The following TSHZ3 variants were observed in gnomAD, a reference collection of about 807,000 sequenced individuals.
TSHZ3 encodes teashirt homolog 3.
A neutral mutation model predicts 64.5 loss-of-function variants in TSHZ3; 10 were observed. The ratio of observed to expected loss-of-function variants is 0.16; its 90% confidence interval spans 0.10 to 0.26. The LOEUF (loss-of-function observed/expected upper bound fraction) is 0.26. Among genes scored for constraint, TSHZ3 ranks in the 10% least tolerant of loss-of-function variants. TSHZ3 has a pLI of 1.00. For synonymous variants in TSHZ3, 608 were observed against 593.1 expected (o/e 1.03, Z -0.36); for missense variants, 1,242 against 1,421.7 (o/e 0.87, Z 2.03).
intron 3 of TSHZ3, among the ~76,000 whole-genome samples, chr19:31,240,861 C>T (rs192884527): frequency 3.5e-4 from 53 of 152,020 alleles, no homozygotes; most frequent in African/African-American, 1.1e-3. Context: ...AATTTCCATT[C>T]GGTTGATTTT....
At chr19:31,246,335 TA>T (rs1391581473) in intron 1 of TSHZ3, among the ~76,000 whole-genome samples, 2 of 152,228 alleles carry the variant, frequency 1.3e-5, no homozygotes, top group African/African-American at 4.8e-5. Flanking sequence ...TACCTGTATT[TA>T]AAATCATTTT....
intron 4 of TSHZ3, chr19:31,207,633 A>C (rs942870268): frequency 2.6e-5 from 4 of 152,226 alleles, no homozygotes; most frequent in Non-Finnish European, 5.9e-5. Flanking sequence ...GAAACTTGTA[A>C]TAAAACCACA....
At chr19:31,172,095 G>A (rs1031462015) in intron 5 of TSHZ3, among the ~76,000 whole-genome samples, 3 of 152,120 alleles carry the variant, frequency 2.0e-5, no homozygotes, top group African/African-American at 7.2e-5. Context: ...TGGTCTGGAG[G>A]TACACTTCAC....
chr19:31,320,736 A>C (rs1916745515), intron 1 of TSHZ3, among the ~76,000 whole-genome samples: 1 of 152,204 alleles, frequency 6.6e-6, no homozygotes, highest in South Asian at 2.1e-4. Context: ...CCCAGGCTGC[A>C]GGGAGGAAGT....
chr19:31,237,637 C>T (rs1433616292), intron 3 of TSHZ3, among the ~76,000 whole-genome samples: 3 of 152,082 alleles, frequency 2.0e-5, no homozygotes, highest in African/African-American at 7.2e-5. Flanking sequence ...ATTCTGTCCT[C>T]TCTTTGCTTT....
chr19:31,315,747 A>C (rs1454639035), intron 1 of TSHZ3, among the ~76,000 whole-genome samples: 3 of 152,236 alleles, frequency 2.0e-5, no homozygotes, highest in Admixed American at 6.5e-5. Context: ...CAAACCATTA[A>C]GTTTGTGCAT....
chr19:31,244,844 A>T (rs1402656509), intron 1 of TSHZ3, among the ~76,000 whole-genome samples: 1 of 152,004 alleles, frequency 6.6e-6, no homozygotes, highest in South Asian at 2.1e-4. Flanking sequence ...GGTTTTCACC[A>T]TTTTGCCCAG....
At chr19:31,295,974 A>G (rs746917055) in intron 1 of TSHZ3, among the ~76,000 whole-genome samples, 2 of 145,802 alleles carry the variant, frequency 1.4e-5, no homozygotes, top group East Asian at 2.0e-4. Flanking sequence ...CACTGTTCCC[A>G]TCTTTATGGC....
At position 31,278,501 on chromosome 19, in the gene TSHZ3, G is replaced by A. The variant is rs557340589; in HGVS notation, c.1292C>T (p.Thr431Ile). 3 of 1,614,126 alleles carry A rather than the reference G, an allele frequency of 1.9e-6. No homozygotes were observed. The highest frequency in any genetic ancestry group is 2.2e-5 in the East Asian group (1 of 44,846). ...ATCCAGCAGGGTTGTGATGGTAGGTGTGACAGGCGTCTCCACAATGGGCTT... is the reference window on the plus strand; with the variant it reads ...ATCCAGCAGGGTTGTGATGGTAGGTATGACAGGCGTCTCCACAATGGGCTT... ...KGKPIVETPV[T>I]PTITTLLDEK... Residue 431 changes from threonine (T) to isoleucine (I), a missense_variant, in exon 2 of 2, where the codon ACA becomes ATA. Thr to Ile is a moderately conservative substitution (Grantham distance 89, BLOSUM62 -1). This residue lies in a region of TSHZ3 where 555 missense variants were observed against 704.0 expected (regional missense o/e 0.79). Transcript: ENST00000240587. This position sits in a 1 kb window ranked among gnomAD's most constrained non-coding sequence, Gnocchi z 4.7.
At chr19:31,241,559 G>A (rs922851225) in intron 3 of TSHZ3, among the ~76,000 whole-genome samples, 1 of 152,182 alleles carries the variant, frequency 6.6e-6, no homozygotes, top group Non-Finnish European at 1.5e-5. Context: ...TGCACGTGCA[G>A]TCTGGTTCTC....
chr19:31,337,602 A>T (rs1008234742), intron 1 of TSHZ3, among the ~76,000 whole-genome samples: 1 of 152,174 alleles, frequency 6.6e-6, no homozygotes, highest in East Asian at 1.9e-4. Flanking sequence ...ACCAACAAAG[A>T]ATACCAATCT....
At chr19:31,280,618 C>G (rs1599622490) in intron 1 of TSHZ3, among the ~76,000 whole-genome samples, 1 of 152,304 alleles carries the variant, frequency 6.6e-6, no homozygotes, top group South Asian at 2.1e-4. Flanking sequence ...TCCAGTGGAC[C>G]TTACAAATGT....
chr19:31,265,970 T>G (rs1976049187), intron 1 of TSHZ3, among the ~76,000 whole-genome samples: 1 of 152,180 alleles, frequency 6.6e-6, no homozygotes, highest in African/African-American at 2.4e-5. Context: ...TTCCTTTTCT[T>G]AAGATCCTGA....
At chr19:31,314,880 A>C (rs757205093) in intron 1 of TSHZ3, among the ~76,000 whole-genome samples, 13 of 152,196 alleles carry the variant, frequency 8.5e-5, no homozygotes, top group Non-Finnish European at 1.3e-4. Context: ...CCCTGGGAGA[A>C]GCCAGGCTCC....
At chr19:31,176,548 C>T (rs548195246) in intron 5 of TSHZ3, among the ~76,000 whole-genome samples, 13 of 152,300 alleles carry the variant, frequency 8.5e-5, no homozygotes, top group African/African-American at 2.4e-4. Flanking sequence ...AATCTCAGCA[C>T]TTTGGGAGGC....
At chr19:31,342,264 G>T (rs1599661022) in intron 1 of TSHZ3, among the ~76,000 whole-genome samples, 1 of 152,190 alleles carries the variant, frequency 6.6e-6, no homozygotes, top group African/African-American at 2.4e-5. Context: ...TTCTCTAGCA[G>T]CAATGCCACA....
chr19:31,348,973 A>C, intron 1 of TSHZ3: 1 of 581,064 alleles, frequency 1.7e-6, no homozygotes, highest in Non-Finnish European at 2.8e-6. Context: ...AATGGGTGCG[A>C]GAGGGAAGAG....
chr19:31,171,311 G>A (rs541361713), intron 5 of TSHZ3, among the ~76,000 whole-genome samples: 2 of 152,260 alleles, frequency 1.3e-5, no homozygotes, highest in South Asian at 4.1e-4. Flanking sequence ...CAATCACTGA[G>A]ACAATGAGTA....
intron 1 of TSHZ3, among the ~76,000 whole-genome samples, chr19:31,258,092 A>G (rs1212027029): frequency 6.6e-6 from 1 of 152,120 alleles, no homozygotes; most frequent in Non-Finnish European, 1.5e-5. Flanking sequence ...TCCCGGAAAC[A>G]AGCATCCCAG....
Sources: allele counts gnomAD v4.1 joint callset (sites outside exome capture counted in the v4.1 genomes callset), GRCh38; gene constraint gnomAD v4.1.1; regional missense constraint gnomAD v4.1.1; non-coding constraint Gnocchi (gnomAD v3.1); transcripts MANE v1.5; gene names NCBI Gene and HGNC (gene_info 2026-07-23, HGNC 2026-07-21).